The following MACF1 variants were observed in gnomAD, a reference collection of about 807,000 sequenced individuals.
MACF1 encodes microtubule-actin cross-linking factor 1.
In MACF1, 193 loss-of-function variants were observed where a neutral mutation model predicts 854.8. The observed-to-expected ratio is 0.23, with a 90% CI of 0.20 to 0.25. MACF1 has a LOEUF of 0.25. MACF1 is among the 10% of genes least tolerant of loss of function. The pLI, the probability that MACF1 is intolerant of heterozygous loss-of-function variation, is 1.00. For missense variants in MACF1, 7,722 were observed against 8,929.1 expected (o/e 0.86, Z 5.45); for synonymous variants, 3,185 against 3,226.7 (o/e 0.99, Z 0.44).
upstream of MACF1, among the ~76,000 whole-genome samples, chr1:39,201,621 G>A (rs1312775771): frequency 1.3e-5 from 2 of 152,042 alleles, no homozygotes; most frequent in Admixed American, 6.6e-5. Context: ...CAAAGTGCTG[G>A]GATTACAGGC....
chr1:39,235,844 C>T (rs778839753), intron 2 of MACF1, among the ~76,000 whole-genome samples: 1 of 152,186 alleles, frequency 6.6e-6, no homozygotes, highest in Non-Finnish European at 1.5e-5. Flanking sequence ...AAGTGATCCT[C>T]CCACCACAGC....
upstream of MACF1, among the ~76,000 whole-genome samples, chr1:39,201,156 C>A (rs1277767908): frequency 6.6e-6 from 1 of 152,184 alleles, no homozygotes; most frequent in Non-Finnish European, 1.5e-5. Context: ...CATTCCACAA[C>A]CAATCTATAA....
chr1:39,300,707 A>AT (rs1646021385), intron 22 of MACF1, among the ~76,000 whole-genome samples: 2 of 152,112 alleles, frequency 1.3e-5, no homozygotes, highest in Admixed American at 6.5e-5. Context: ...TAATTTGTAA[A>AT]TATCCCTTAA....
chr1:39,357,992 A>G, intron 45 of MACF1, 99 bp downstream of exon 45: 1 of 1,220,424 alleles, frequency 8.2e-7, no homozygotes, highest in Non-Finnish European at 1.1e-6. Context: ...TCCAGGACAC[A>G]GTAGGAGAGC....
chr1:39,457,562 T>G (rs1475020982), intron 89 of MACF1: 1 of 152,460 alleles, frequency 6.6e-6, no homozygotes, highest in Non-Finnish European at 1.5e-5. Flanking sequence ...ATCCTTCAGC[T>G]GCCCCCTGTT....
At chr1:39,102,772 C>T (rs1021495699) in intron 2 of MACF1, 6 of 702,540 alleles carry the variant, frequency 8.5e-6, no homozygotes, top group Non-Finnish European at 1.3e-5. Context: ...GCAGTCTCAC[C>T]CATCAGGAGC....
chr1:39,090,187 C>G (rs1200381835), intron 2 of MACF1, among the ~76,000 whole-genome samples: 4 of 152,244 alleles, frequency 2.6e-5, no homozygotes, highest in Non-Finnish European at 5.9e-5. Flanking sequence ...TCCTCAGCTG[C>G]CAAACTTCCT....
Position 39,084,647 on chromosome 1 carries a change from G to A in MACF1, c.220+209G>A, listed in dbSNP as rs116393212. Among the ~76,000 whole-genome samples the A allele has an allele frequency of 7.0e-3, 1,070 of 152,270 alleles. 6 individuals are homozygous for A. Among genetic ancestry groups the A allele is most frequent in the Non-Finnish European group, 0.011 (760 of 68,020 alleles). Reference sequence around the variant, plus strand: ...GGAAAATCTGCCACCCCTTGCTCACGTGAGACCTGTTTTCATTTCTGCACC... The same window carrying A: ...GGAAAATCTGCCACCCCTTGCTCACATGAGACCTGTTTTCATTTCTGCACC... On this transcript the variant is annotated intron_variant, in intron 2 of 93. Coordinates refer to the MACF1 transcript ENST00000361689. This position sits in a 1 kb window ranked among gnomAD's most constrained non-coding sequence, Gnocchi z 5.2.
intron 19 of MACF1, among the ~76,000 whole-genome samples, chr1:39,295,351 C>G (rs1458318847): frequency 2.0e-5 from 3 of 152,184 alleles, no homozygotes; most frequent in Non-Finnish European, 4.4e-5. Context: ...AAGGAAACTA[C>G]TAAGAGAAAC....
At chr1:39,458,091 T>TG (rs1644478385) in intron 89 of MACF1, 1 of 308,098 alleles carries the variant, frequency 3.2e-6, no homozygotes, top group Admixed American at 4.4e-5. Flanking sequence ...CTCATTACCA[T>TG]GGGGAGGGCA....
chr1:39,422,277 A>G (rs1643571317), intron 58 of MACF1, 97 bp from the exon 59 acceptor site: 1 of 919,500 alleles, frequency 1.1e-6, no homozygotes, highest in Non-Finnish European at 1.6e-6. Context: ...GTCGTCTTTC[A>G]TTAAGTCATA....
At position 39,136,851 on chromosome 1, in the gene MACF1, T is replaced by C. The variant is rs549238585; in HGVS notation, c.220+52413T>C. On this transcript the variant is annotated intron_variant, in intron 2 of 93. Transcript: ENST00000361689. The stretch of plus-strand genomic sequence containing the variant: ...TATGAACGACAGTAGGGGGCACTTG[T>C]ATGACAGTAGAATAAAGACAAGCGT... Among the ~76,000 whole-genome samples, 61 of 152,300 alleles carry C rather than the reference T, an allele frequency of 4.0e-4. 1 individual carries two copies. The highest frequency in any genetic ancestry group is 1.5e-5 in the Non-Finnish European group (1 of 68,024).
intron 2 of MACF1, among the ~76,000 whole-genome samples, chr1:39,138,001 G>C (rs761408102): frequency 1.8e-4 from 27 of 149,746 alleles, no homozygotes; most frequent in Non-Finnish European, 3.4e-4. Flanking sequence ...TTGATCCTGG[G>C]AGGCGGAGGT....
In MACF1 at chr1:39,084,528, C is replaced by T; in HGVS notation, c.220+90C>T. The T allele has an allele frequency of 9.7e-7, 1 of 1,029,132 alleles. No individual in the cohort carries two copies. Among genetic ancestry groups the T allele is most frequent in the Non-Finnish European group, 1.4e-6 (1 of 697,418 alleles). 63.8% of individuals were successfully genotyped at this position (1,029,132 alleles called of 1,614,324 possible). Reference sequence around the variant, plus strand: ...CAGCTGTGTGGGGAGCCGAGGGGTCCTCACCAGGGCCTCTGACAAAGCAGC... The same window carrying T: ...CAGCTGTGTGGGGAGCCGAGGGGTCTTCACCAGGGCCTCTGACAAAGCAGC... On this transcript the variant is annotated intron_variant, in intron 2 of 93. Coordinates refer to the MACF1 transcript ENST00000361689. This position sits in a 1 kb window ranked among gnomAD's most constrained non-coding sequence, Gnocchi z 5.2.
chr1:39,251,353 TCA>T (rs1373982400), intron 3 of MACF1, among the ~76,000 whole-genome samples: 1 of 152,238 alleles, frequency 6.6e-6, no homozygotes, highest in Non-Finnish European at 1.5e-5. Flanking sequence ...TCTTCACCAC[TCA>T]CACAGTTACA....
At chr1:39,456,661 C>T (rs948593738) in intron 89 of MACF1, 20 of 152,252 alleles carry the variant, frequency 1.3e-4, no homozygotes, top group African/African-American at 4.6e-4. Context: ...TCCTCTCTCT[C>T]CTCTATGTCT....
In MACF1 at chr1:39,428,076, T is replaced by C. The variant is rs1356474690; in HGVS notation, c.16592T>C (p.Ile5531Thr). The change falls in exon 63 of 101, where the codon ATA becomes ACA. Residue 5531 changes from isoleucine (I) to threonine (T), a missense_variant. By Grantham distance (89) the Ile-to-Thr change is moderately conservative (BLOSUM62 -1). Around this residue, in one of 15 missense-constraint regions of MACF1, gnomAD observed 2,807 missense variants for 3,235.8 expected, o/e 0.87. Coordinates refer to ENST00000564288, the MANE Select transcript of MACF1 (RefSeq NM_001394062.1). ...PAEQGVLSEK[I>T]DSLQARYSEI... is the part of the protein sequence containing the mutation. Reference sequence around the variant, plus strand: ...GAACAGGGTGTGCTGTCAGAAAAGATAGACTCATTGCAGGCCCGATACAGT... The same window carrying C: ...GAACAGGGTGTGCTGTCAGAAAAGACAGACTCATTGCAGGCCCGATACAGT... 7 of 1,614,196 alleles carry C rather than the reference T, an allele frequency of 4.3e-6. No individual in the cohort carries two copies. Among genetic ancestry groups the C allele is most frequent in the South Asian group, 1.1e-5 (1 of 91,090 alleles).
chr1:39,483,367 G>C (rs1172975446), intron 99 of MACF1, among the ~76,000 whole-genome samples: 2 of 152,198 alleles, frequency 1.3e-5, no homozygotes, highest in African/African-American at 2.4e-5. Flanking sequence ...TGAGTAGTGA[G>C]ACAAGACCTC....
intron 2 of MACF1, among the ~76,000 whole-genome samples, chr1:39,123,582 A>T (rs992823639): frequency 3.3e-5 from 5 of 151,586 alleles, no homozygotes; most frequent in African/African-American, 1.2e-4. Flanking sequence ...TCTGTCACCC[A>T]GCCTGGAGTG....
Sources: allele counts gnomAD v4.1 joint callset (sites outside exome capture counted in the v4.1 genomes callset), GRCh38; gene constraint gnomAD v4.1.1; regional missense constraint gnomAD v4.1.1; non-coding constraint Gnocchi (gnomAD v3.1); transcripts MANE v1.5; gene names NCBI Gene and HGNC (gene_info 2026-07-23, HGNC 2026-07-21).